Variants in COL9A1 observed in about 807,000 individuals in gnomAD.
COL9A1 encodes the protein collagen alpha-1(IX) chain.
Under a neutral mutation model 142.6 loss-of-function variants are expected in COL9A1, and 104 were observed. The ratio of observed to expected loss-of-function variants is 0.73; its 90% confidence interval spans 0.62 to 0.86. The LOEUF is 0.86. Among genes scored for constraint, COL9A1 ranks in the 40% least tolerant of loss-of-function variants. COL9A1 has a pLI of 0.00. For synonymous variants in COL9A1, 466 were observed against 396.0 expected, an observed-to-expected ratio of 1.18 and a Z score of -2.10; for missense variants, 1,210 against 1,176.6, an observed-to-expected ratio of 1.03 and a Z score of -0.42.
At chr6:70,284,884 C>A (rs2127600644) in intron 5 of COL9A1, among the ~76,000 whole-genome samples, 1 of 152,298 alleles carries the variant, frequency 6.6e-6, no homozygotes, top group East Asian at 1.9e-4. Context: ...GATTCTAGAG[C>A]TCCTAAACCT....
intron 28 of COL9A1, 63 bp from the exon 29 acceptor site, chr6:70,242,778 G>A (rs1770348815): frequency 1.3e-6 from 2 of 1,498,164 alleles, no homozygotes; most frequent in East Asian, 2.3e-5. Context: ...TAGTTACTAT[G>A]TAAATAAAAT....
intron 17 of COL9A1, among the ~76,000 whole-genome samples, chr6:70,267,318 G>GTTTTTTTTTTTTTTTTTTTT (rs1253782694): frequency 1.0e-5 from 1 of 97,726 alleles, no homozygotes; most frequent in Non-Finnish European, 2.3e-5. Flanking sequence ...TTGTTTGTTT[G>GTTTTTTTTTTTTTTTTTTTT]GTTTTTTTGT....
intron 6 of COL9A1, chr6:70,283,197 C>A: frequency 1.4e-6 from 2 of 1,471,200 alleles, no homozygotes; most frequent in Non-Finnish European, 1.8e-6. Context: ...CGTCCAGGCC[C>A]GGGAGGCGCG....
intron 7 of COL9A1, 70 bp from the exon 8 acceptor site, chr6:70,281,534 T>A (rs1773167755): frequency 8.0e-7 from 1 of 1,250,866 alleles, no homozygotes; most frequent in Middle Eastern, 2.0e-4. Flanking sequence ...CGCGGTGCCC[T>A]GAAGCCCCCG....
chr6:70,291,820 G>T (rs1290267092), intron 5 of COL9A1, among the ~76,000 whole-genome samples: 1 of 152,104 alleles, frequency 6.6e-6, no homozygotes, highest in Non-Finnish European at 1.5e-5. Context: ...AAGCTAGTTG[G>T]CATAGCAGAA....
rs1382937576 is a variant in COL9A1, at chr6:70,240,747, T to C, written c.2035-14A>G. The stretch of plus-strand genomic sequence containing the variant: ...ACCAGAGGCACCCTAAAAATTAAGA[T>C]AAAAGGTTACATTTTAAAATTCTTA... On this transcript the variant is annotated splice_polypyrimidine_tract_variant and intron_variant, in intron 31 of 37. Transcript: ENST00000357250. 6.2e-7 allele frequency: 1 copy of C among 1,609,462 alleles called. No homozygotes were observed. Among genetic ancestry groups the C allele is most frequent in the Non-Finnish European group, 8.5e-7 (1 of 1,176,096 alleles).
Position 70,281,049 on chromosome 6 carries a change from T to C in COL9A1, c.877-10A>G. On this transcript the variant is annotated splice_polypyrimidine_tract_variant and intron_variant, in intron 8 of 37. Transcript: ENST00000357250. ...TAGGACCTCGGTCACCCTGGAGGGG[T>C]AGGAGAAAAAGAGAGAGCAGTCTAT... The C allele has an allele frequency of 1.2e-6, 2 of 1,602,442 alleles. No individual in the cohort carries two copies. Among genetic ancestry groups the C allele is most frequent in the South Asian group, 1.1e-5 (1 of 90,230 alleles).
intron 20 of COL9A1, 104 bp downstream of exon 20, chr6:70,260,548 CAAAAA>C: frequency 9.0e-5 from 56 of 625,178 alleles, no homozygotes; most frequent in Non-Finnish European, 1.0e-4. Flanking sequence ...AACTCCATCT[CAAAAA>C]AAAAAAAAAA....
chr6:70,255,386 T>C lies in COL9A1; in HGVS notation c.1508A>G (p.Asp503Gly). 1 of 1,614,088 alleles carries C rather than the reference T, an allele frequency of 6.2e-7. No homozygotes were observed. The highest frequency in any genetic ancestry group is 8.5e-7 in the Non-Finnish European group (1 of 1,179,956). Residue 503 changes from aspartate (D) to glycine (G), a missense_variant, in exon 22 of 38, where the codon GAT becomes GGT. By Grantham distance (94) the Asp-to-Gly change is moderately conservative. Coordinates refer to ENST00000357250, the MANE Select transcript of COL9A1 (RefSeq NM_001851.6). ...GPQGLPGAPG[D>G]QGQRGPPGEA... is the part of the protein sequence containing the mutation. Reference sequence around the variant, plus strand: ...TCCTGGAGGTCCTCGCTGTCCTTGATCACCCTGTATGAAAATAAAATTTTG... The same window carrying C: ...TCCTGGAGGTCCTCGCTGTCCTTGACCACCCTGTATGAAAATAAAATTTTG...
chr6:70,298,566 ATAGCCTGGG>A (rs1010755940), intron 4 of COL9A1, among the ~76,000 whole-genome samples: 1 of 152,184 alleles, frequency 6.6e-6, no homozygotes, highest in African/African-American at 2.4e-5. Context: ...GACATTAAAT[ATAGCCTGGG>A]TACATTATTT....
intron 36 of COL9A1, among the ~76,000 whole-genome samples, chr6:70,231,666 T>C (rs556867461): frequency 9.0e-4 from 137 of 151,818 alleles, no homozygotes; most frequent in Non-Finnish European, 1.5e-3. Flanking sequence ...GCTTGCCATC[T>C]GACCATTCAT....
intron 15 of COL9A1, 94 bp from the exon 16 acceptor site, chr6:70,269,759 T>C (rs1772271662): frequency 1.3e-6 from 1 of 760,128 alleles, no homozygotes; most frequent in African/African-American, 1.8e-5. Context: ...AAGTATAAAA[T>C]ATATTTGTTT....
chr6:70,243,658 G>A (rs1562298275), intron 28 of COL9A1, among the ~76,000 whole-genome samples: 1 of 152,120 alleles, frequency 6.6e-6, no homozygotes. Context: ...CTCCTGAGTA[G>A]CTGGGAGTAC....
intron 5 of COL9A1, among the ~76,000 whole-genome samples, chr6:70,284,617 G>T (rs1032811171): frequency 6.6e-6 from 1 of 152,136 alleles, no homozygotes; most frequent in African/African-American, 2.4e-5. Flanking sequence ...AATGTTGCCA[G>T]GTCTGAATCT....
At chr6:70,252,228 T>C in intron 27 of COL9A1, 34 bp downstream of exon 27, 1 of 1,614,182 alleles carries the variant, frequency 6.2e-7, no homozygotes, top group East Asian at 2.2e-5. Context: ...TTACAACAGG[T>C]TAGAACTTCA....
At position 70,242,712 on chromosome 6, in the gene COL9A1, T is replaced by C; in HGVS notation, c.1876A>G (p.Ser626Gly). 1 of 1,614,070 alleles carries C rather than the reference T, an allele frequency of 6.2e-7. No individual in the cohort carries two copies. Residue 626 changes from serine to glycine, a missense_variant, in exon 29 of 38, where the codon AGT (serine) becomes GGT (glycine). Physicochemically the swap from Ser to Gly is moderately conservative, Grantham distance 56. Transcript: ENST00000357250. ...CCCACTGGTCCTAATTCTCCTCTAC[T>C]GCCCTGTAAAAACACAAACATTGTC... ...GPRGPQGLPGSRGELGPVGSP... is the reference protein window; with the variant it reads ...GPRGPQGLPGGRGELGPVGSP...
intron 10 of COL9A1, 135 bp downstream of exon 10, chr6:70,280,677 A>G (rs1773090974): frequency 4.5e-6 from 6 of 1,334,506 alleles, no homozygotes; most frequent in Non-Finnish European, 6.2e-6. Flanking sequence ...AGGCGCTGGC[A>G]GGAGGCCAAG....
At chr6:70,299,969 C>G in intron 4 of COL9A1, 74 bp downstream of exon 4, 1 of 1,415,104 alleles carries the variant, frequency 7.1e-7, no homozygotes, top group East Asian at 2.3e-5. Context: ...TAAGAAAACT[C>G]TAACATTGGA....
chr6:70,260,719 G>A lies in COL9A1; in HGVS notation c.1396-9C>T, dbSNP rs1256999737. ...CGCAAACCCTGGGCTCCCTGGAAATGTGAAAAAGAGAAGTGAATTATTTTA... is the reference window on the plus strand; with the variant it reads ...CGCAAACCCTGGGCTCCCTGGAAATATGAAAAAGAGAAGTGAATTATTTTA... On this transcript the variant is annotated splice_polypyrimidine_tract_variant and intron_variant, in intron 19 of 37. Transcript: ENST00000357250. 3.7e-6 allele frequency: 6 copies of A among 1,613,354 alleles called. No individual in the cohort carries two copies. Among genetic ancestry groups the A allele is most frequent in the Admixed American group, 1.7e-5 (1 of 59,966 alleles).
Sources: allele counts gnomAD v4.1 joint callset (sites outside exome capture counted in the v4.1 genomes callset), GRCh38; gene constraint gnomAD v4.1.1; transcripts MANE v1.5; gene names NCBI Gene and HGNC (gene_info 2026-07-23, HGNC 2026-07-21).